Variants in PSMA1 observed in about 807,000 individuals in gnomAD.
The protein encoded by PSMA1 is proteasome subunit alpha type-1.
In PSMA1, 3 loss-of-function variants were observed where a neutral mutation model predicts 38.4. The ratio of observed to expected loss-of-function variants is 0.08; its 90% CI spans 0.04 to 0.20. The LOEUF is 0.20. Among genes scored for constraint, PSMA1 ranks in the 10% least tolerant of loss-of-function variants. The pLI, the probability that PSMA1 is intolerant of heterozygous loss-of-function variation, is 1.00. For synonymous variants in PSMA1, 101 were observed against 107.1 expected (o/e 0.94, Z 0.35); for missense variants, 227 against 325.3 (o/e 0.70, Z 2.32).
intron 2 of PSMA1, among the ~76,000 whole-genome samples, chr11:14,568,210 C>CT (rs1273315497): frequency 2.0e-5 from 3 of 152,062 alleles, no homozygotes; most frequent in Non-Finnish European, 4.4e-5. Flanking sequence ...GTGAAGTGCC[C>CT]AACTCCAAAG....
At chr11:14,595,463 T>C (rs928942491) in intron 2 of PSMA1, among the ~76,000 whole-genome samples, 2 of 152,092 alleles carry the variant, frequency 1.3e-5, no homozygotes, top group African/African-American at 2.4e-5. Context: ...CATGAGATGG[T>C]ATCTCATTGT....
Position 14,610,983 on chromosome 11 carries a change from G to A in PSMA1, c.4C>T (p.Gln2Ter), listed in dbSNP as rs1300234319. ...ATTCTCACCTTCACCTTGCTGAGCTGCATAACATTTCCAGGAGACAGTCAC... is the reference window on the plus strand; with the variant it reads ...ATTCTCACCTTCACCTTGCTGAGCTACATAACATTTCCAGGAGACAGTCAC... Residue 2 changes from glutamine (Q) to a stop codon, truncating the protein, a stop_gained, in exon 2 of 11, where the codon CAG becomes TAG. Coordinates refer to the PSMA1 transcript ENST00000418988. LOFTEE classifies it high-confidence loss of function. 6.2e-7 allele frequency: 1 copy of A among 1,612,922 alleles called. No homozygotes were observed. The highest frequency in any genetic ancestry group is 1.3e-5 in the African/African-American group (1 of 74,900).
chr11:14,568,331 T>C (rs1589994806), intron 2 of PSMA1, among the ~76,000 whole-genome samples: 2 of 152,328 alleles, frequency 1.3e-5, no homozygotes, highest in East Asian at 1.9e-4. Context: ...TTCCACTGCA[T>C]AATGCTGCCT....
At chr11:14,529,793 G>C (rs1851626333) in intron 2 of PSMA1, among the ~76,000 whole-genome samples, 1 of 152,150 alleles carries the variant, frequency 6.6e-6, no homozygotes, top group African/African-American at 2.4e-5. Context: ...AGCATGTATA[G>C]CTACACTCCC....
chr11:14,587,269 C>T (rs1465469944), intron 2 of PSMA1, among the ~76,000 whole-genome samples: 1 of 152,110 alleles, frequency 6.6e-6, no homozygotes, highest in Non-Finnish European at 1.5e-5. Flanking sequence ...AGAGAGAAGC[C>T]AGGCCATTTC....
In PSMA1 at chr11:14,505,247, G is replaced by C. The variant is rs1349954291; in HGVS notation, c.737C>G (p.Pro246Arg). 1 of 1,613,264 alleles carries C rather than the reference G, an allele frequency of 6.2e-7. No individual in the cohort carries two copies. The highest frequency in any genetic ancestry group is 8.5e-7 in the Non-Finnish European group (1 of 1,179,450). Reference sequence around the variant, plus strand: ...TGCAGGTTCATCAGCAGGTTGAGCAGGCTTAACAGGGAAAGAAAAAAAGAA... The same window carrying C: ...TGCAGGTTCATCAGCAGGTTGAGCACGCTTAACAGGGAAAGAAAAAAAGAA... ...LEERPQRKAQPAQPADEPAEK... is the reference protein window; with the variant it reads ...LEERPQRKAQRAQPADEPAEK... The change falls in exon 10 of 10, where the codon CCT becomes CGT. Residue 246 changes from proline (P) to arginine (R), a missense_variant and splice_region_variant. By Grantham distance (103) the Pro-to-Arg change is moderately radical. Coordinates refer to ENST00000396394, the MANE Select transcript of PSMA1 (RefSeq NM_002786.4).
At chr11:14,577,557 G>A (rs924593943) in intron 2 of PSMA1, among the ~76,000 whole-genome samples, 1 of 152,224 alleles carries the variant, frequency 6.6e-6, no homozygotes, top group Non-Finnish European at 1.5e-5. Flanking sequence ...TGTCTCTCCA[G>A]AGAAGTTATA....
upstream of PSMA1, chr11:14,520,672 AAC>A: frequency 5.2e-6 from 2 of 383,508 alleles, no homozygotes; most frequent in Non-Finnish European, 4.8e-6. Context: ...CGTCCGAGTC[AAC>A]AGCCGTGACT....
chr11:14,639,340 T>A (rs572810035), intron 1 of PSMA1, among the ~76,000 whole-genome samples: 1 of 152,346 alleles, frequency 6.6e-6, no homozygotes, highest in African/African-American at 2.4e-5. Context: ...AAAAGTTTTT[T>A]CTATTATATT....
chr11:14,567,722 CTT>C (rs1386696505), intron 2 of PSMA1, among the ~76,000 whole-genome samples: 1 of 152,202 alleles, frequency 6.6e-6, no homozygotes, highest in Non-Finnish European at 1.5e-5. Context: ...TGTTTCATCT[CTT>C]ATACTGTAAA....
intron 2 of PSMA1, among the ~76,000 whole-genome samples, chr11:14,592,506 G>A (rs573469272): frequency 9.1e-4 from 138 of 151,838 alleles, no homozygotes; most frequent in Middle Eastern, 3.4e-3. Flanking sequence ...CTGCCTCAGC[G>A]TCCCAAGTAG....
intron 2 of PSMA1, among the ~76,000 whole-genome samples, chr11:14,533,779 G>C (rs1281617903): frequency 6.6e-6 from 1 of 151,990 alleles, no homozygotes; most frequent in Non-Finnish European, 1.5e-5. Context: ...ACAAGACAGA[G>C]CCTATGGTAT....
At chr11:14,544,845 T>C (rs935560019) in intron 2 of PSMA1, among the ~76,000 whole-genome samples, 5 of 152,322 alleles carry the variant, frequency 3.3e-5, no homozygotes, top group African/African-American at 1.2e-4. Flanking sequence ...CCCAAGAGAA[T>C]TGAAAACATA....
At chr11:14,615,031 C>T (rs1852754724) in intron 1 of PSMA1, among the ~76,000 whole-genome samples, 1 of 152,166 alleles carries the variant, frequency 6.6e-6, no homozygotes, top group Admixed American at 6.5e-5. Flanking sequence ...AGACCCATCT[C>T]TCCAAAAGCA....
chr11:14,592,285 T>C (rs1022449313), intron 2 of PSMA1, among the ~76,000 whole-genome samples: 3 of 152,204 alleles, frequency 2.0e-5, no homozygotes, highest in Admixed American at 2.0e-4. Flanking sequence ...GACCTTCCGC[T>C]GCTCGCTCCT....
Position 14,574,291 on chromosome 11 carries a change from G to A in PSMA1, c.21+36675C>T, listed in dbSNP as rs78724256. On this transcript the variant is annotated intron_variant, in intron 2 of 10. Transcript: ENST00000418988. ...AGGCCTAGGAGGGAAAAATGATTTTGTGGGTCAGGCCCAGGGCACACTGCT... is the reference window on the plus strand; with the variant it reads ...AGGCCTAGGAGGGAAAAATGATTTTATGGGTCAGGCCCAGGGCACACTGCT... Among the ~76,000 whole-genome samples, 187 of 152,290 alleles carry A rather than the reference G, an allele frequency of 1.2e-3. 5 individuals carry two copies. In the East Asian group the frequency reaches 0.027, roughly 22 times the overall value.
At chr11:14,531,766 A>AT (rs1272846991) in intron 2 of PSMA1, among the ~76,000 whole-genome samples, 4 of 151,944 alleles carry the variant, frequency 2.6e-5, no homozygotes, top group African/African-American at 7.3e-5. Context: ...AGCCTCCTGT[A>AT]TTTTTTATGG....
intron 2 of PSMA1, among the ~76,000 whole-genome samples, chr11:14,598,723 G>A (rs1590004796): frequency 6.7e-6 from 1 of 149,192 alleles, no homozygotes; most frequent in East Asian, 2.0e-4. Flanking sequence ...CTTTTAATTG[G>A]AGCATTTAGC....
At chr11:14,564,261 T>G (rs1161533172) in intron 2 of PSMA1, among the ~76,000 whole-genome samples, 1 of 152,212 alleles carries the variant, frequency 6.6e-6, no homozygotes, top group Non-Finnish European at 1.5e-5. Flanking sequence ...TCTATAATTT[T>G]GTCATCTGAA....
Sources: gnomAD v4.1 joint callset for allele counts (sites outside exome capture counted in the v4.1 genomes callset) on GRCh38, gnomAD v4.1.1 for gene constraint, MANE v1.5 for transcripts, NCBI Gene and HGNC (gene_info 2026-07-23, HGNC 2026-07-21) for gene names.